CCL5: variants seen among roughly 807,000 people sequenced by gnomAD.
CCL5 encodes C-C motif chemokine ligand 5.
CCL5 carries 5 observed loss-of-function variants against 9.0 expected under a neutral mutation model. The observed-to-expected ratio is 0.55, with a 90% confidence interval of 0.29 to 1.16. The LOEUF is 1.16. Ranked by LOEUF, CCL5 falls within the 50% of genes most tolerant of loss-of-function variation. The probability of loss-of-function intolerance (pLI) is 0.08; values close to 1 mark genes in which losing one functional copy is unlikely to be tolerated. For missense variants in CCL5, 183 were observed against 183.2 expected, an observed-to-expected ratio of 1.00 and a Z score of 0.01; for synonymous variants, 66 against 72.0, an observed-to-expected ratio of 0.92 and a Z score of 0.42.
rs1348739626 is a variant in CCL5, at chr17:35,872,230, G to A, written c.*40C>T. The A allele has an allele frequency of 7.0e-7, 1 of 1,420,380 alleles. No homozygotes were observed. The highest frequency in any genetic ancestry group is 1.4e-5 in the African/African-American group (1 of 69,760). The allele number at this position is 1,420,380 out of a possible 1,614,324, so 88.0% of individuals were successfully genotyped here. On this transcript the variant is annotated 3_prime_UTR_variant, in exon 4 of 4. Coordinates refer to ENST00000651122, the MANE Select transcript of CCL5 (RefSeq NM_001278736.2). Reference sequence around the variant, plus strand: ...GAGCCACCACGTCCAGCCTGGGGAAGGTTTTTGTAACTGCTGCTGTGTGGT... The same window carrying A: ...GAGCCACCACGTCCAGCCTGGGGAAAGTTTTTGTAACTGCTGCTGTGTGGT...
rs1180454367 is a variant in CCL5, at chr17:35,873,860, G to T, written c.271-1396C>A. On this transcript the variant is annotated intron_variant, in intron 3 of 3. Coordinates refer to ENST00000651122, the MANE Select transcript of CCL5 (RefSeq NM_001278736.2). ...CTGGTACTAGACACTGTGGCTCAGG[G>T]GAGTTGAGGGCCATGAGATAATGGC... Among the ~76,000 whole-genome samples the T allele has an allele frequency of 3.9e-5, 6 of 152,282 alleles. No homozygotes were observed. The East Asian group carries it at 1.2e-3, about 29-fold the overall frequency.
intron 3 of CCL5, among the ~76,000 whole-genome samples, chr17:35,873,764 C>A (rs1391390995): frequency 1.3e-5 from 2 of 152,186 alleles, no homozygotes; most frequent in African/African-American, 4.8e-5. Flanking sequence ...AAATACCATT[C>A]ATGTGTTGTT....
At chr17:35,875,747 C>G (rs1490982775) in intron 2 of CCL5, 1 of 292,900 alleles carries the variant, frequency 3.4e-6, no homozygotes, top group South Asian at 1.3e-4. Context: ...AAAGAACAGC[C>G]CCTCCTTGCC....
Position 35,872,449 on chromosome 17 carries a change from C to A in CCL5, c.286G>T (p.Glu96Ter). The A allele has an allele frequency of 2.5e-6, 4 of 1,614,020 alleles. No homozygotes were observed. Among genetic ancestry groups the A allele is most frequent in the Non-Finnish European group, 3.4e-6 (4 of 1,180,010 alleles). Residue 96 changes from glutamate (E) to a stop codon, truncating the protein, a stop_gained, in exon 4 of 4, where the codon GAA becomes TAA. Coordinates refer to ENST00000651122, the MANE Select transcript of CCL5 (RefSeq NM_001278736.2). LOFTEE classifies it low-confidence loss of function (END_TRUNC). ...CTGGGTTGGCACACACTTGGCGGTT[C>A]TTTCGGGTGACAAAGCTGTGGGAGA... is the stretch of plus-strand genomic sequence containing the variant.
At chr17:35,873,767 G>A (rs969920783) in intron 3 of CCL5, among the ~76,000 whole-genome samples, 2 of 152,194 alleles carry the variant, frequency 1.3e-5, no homozygotes, top group Admixed American at 6.5e-5. Flanking sequence ...TACCATTCAT[G>A]TGTTGTTACT....
At position 35,878,572 on chromosome 17, in the gene CCL5, C is replaced by T. The variant is rs149044945; in HGVS notation, c.144G>A (p.Lys48=). 4.3e-5 allele frequency: 70 copies of T among 1,613,864 alleles called. No individual in the cohort carries two copies. The African/African-American group carries it at 5.2e-4, about 12-fold the overall frequency. Reference sequence around the variant, plus strand: ...ACTTGCCACTGGTGTAGAAATACTCCTTGATGTGGGCACGGGGCAGTGGGC... The same window carrying T: ...ACTTGCCACTGGTGTAGAAATACTCTTTGATGTGGGCACGGGGCAGTGGGC... Residue 48 remains lysine (K), a synonymous_variant, in exon 2 of 4, where the codon AAG becomes AAA. Coordinates refer to ENST00000651122, the MANE Select transcript of CCL5 (RefSeq NM_001278736.2).
chr17:35,876,631 C>T (rs1244295665), intron 2 of CCL5, among the ~76,000 whole-genome samples: 2 of 152,198 alleles, frequency 1.3e-5, no homozygotes, highest in African/African-American at 4.8e-5. Flanking sequence ...ATACTACTCA[C>T]GTGGATAACA....
chr17:35,872,212 C>T lies in CCL5; in HGVS notation c.*58G>A. ...TGCTGGGATTACAGGCGTGAGCCAC[C>T]ACGTCCAGCCTGGGGAAGGTTTTTG... On this transcript the variant is annotated 3_prime_UTR_variant, in exon 4 of 4. Coordinates refer to ENST00000651122, the MANE Select transcript of CCL5 (RefSeq NM_001278736.2). 7.7e-7 allele frequency: 1 copy of T among 1,296,214 alleles called. No homozygotes were observed. Among genetic ancestry groups the T allele is most frequent in the Non-Finnish European group, 1.0e-6 (1 of 977,748 alleles). 80.3% of individuals were successfully genotyped at this position (1,296,214 alleles called of 1,614,324 possible).
chr17:35,878,632 C>G lies in CCL5; in HGVS notation c.84G>C (p.Ser28=). Residue 28 remains serine, a synonymous_variant, in exon 2 of 4, where the codon TCG becomes TCC. Coordinates refer to ENST00000651122, the MANE Select transcript of CCL5 (RefSeq NM_001278736.2). ...AGGCAAAGCAGCAGGGTGTGGTGTC[C>G]GAGGAATCTGGAAGAGGAAAGGAAG... The G allele has an allele frequency of 6.2e-7, 1 of 1,609,844 alleles. No individual in the cohort carries two copies. Among genetic ancestry groups the G allele is most frequent in the Non-Finnish European group, 8.5e-7 (1 of 1,177,168 alleles).
intron 2 of CCL5, among the ~76,000 whole-genome samples, chr17:35,878,282 CAAAAAAA>C (rs4013866): frequency 1.9e-4 from 6 of 31,972 alleles, no homozygotes; most frequent in Non-Finnish European, 3.6e-4. Context: ...GACTCTGTCT[CAAAAAAA>C]AAAAAAAAAA....
Position 35,872,410 on chromosome 17 carries a change from A to C in CCL5, c.325T>G (p.Ser109Ala), listed in dbSNP as rs1032067574. 1 of 1,613,968 alleles carries C rather than the reference A, an allele frequency of 6.2e-7. No individual in the cohort carries two copies. The highest frequency in any genetic ancestry group is 1.3e-5 in the African/African-American group (1 of 75,000). The change falls in exon 4 of 4, where the codon TCG (serine) becomes GCG (alanine). Residue 109 changes from serine (S) to alanine (A), a missense_variant. Transcript: ENST00000651122. The stretch of plus-strand genomic sequence containing the variant: ...TCTCCAAAGAGTTGATGTACTCCCG[A>C]ACCCATTTCTTCTCTGGGTTGGCAC...
chr17:35,872,975 C>T (rs374836921), intron 3 of CCL5, among the ~76,000 whole-genome samples: 37 of 151,662 alleles, frequency 2.4e-4, no homozygotes, highest in Middle Eastern at 3.4e-3. Context: ...CTGCAACTTT[C>T]GCCTCCCGGG....
chr17:35,879,431 G>A (rs564309549), intron 1 of CCL5, among the ~76,000 whole-genome samples: 2 of 152,106 alleles, frequency 1.3e-5, no homozygotes, highest in East Asian at 1.9e-4. Flanking sequence ...TCAAGAGATC[G>A]AGACCATCCT....
At chr17:35,878,896 T>G (rs1196665338) in intron 1 of CCL5, among the ~76,000 whole-genome samples, 1 of 152,186 alleles carries the variant, frequency 6.6e-6, no homozygotes, top group Non-Finnish European at 1.5e-5. Flanking sequence ...TTTCAGGGCC[T>G]CCTCCTGGCT....
chr17:35,872,273 A>G lies in CCL5; in HGVS notation c.462T>C (p.Pro154=), dbSNP rs189189494. Residue 154 remains proline (P), a synonymous_variant, in exon 4 of 4, where the codon CCT becomes CCC. Transcript: ENST00000651122. ...TGTGTGGTAGAATCTGGGCCCTTCA[A>G]GGAGCGGGTGGGGTAGGATAGTGAG... 3.2e-6 allele frequency: 5 copies of G among 1,553,550 alleles called. No individual in the cohort carries two copies. In the East Asian group the frequency reaches 1.1e-4, roughly 35 times the overall value.
chr17:35,875,679 A>G, intron 2 of CCL5: 1 of 875,982 alleles, frequency 1.1e-6, no homozygotes, highest in South Asian at 5.2e-5. Flanking sequence ...AATACCTGAG[A>G]TGAGGGTAGC....
intron 1 of CCL5, among the ~76,000 whole-genome samples, chr17:35,879,981 C>T (rs1003341113): frequency 6.6e-6 from 1 of 152,112 alleles, no homozygotes; most frequent in Non-Finnish European, 1.5e-5. Flanking sequence ...ACCTGTAGGC[C>T]TTGAGGGTGT....
At chr17:35,874,830 C>G (rs2088420296) in intron 3 of CCL5, among the ~76,000 whole-genome samples, 1 of 152,068 alleles carries the variant, frequency 6.6e-6, no homozygotes, top group Non-Finnish European at 1.5e-5. Context: ...CCAGGCTGTT[C>G]TTGAACTCCT....
chr17:35,876,532 G>T (rs1011413112), intron 2 of CCL5, among the ~76,000 whole-genome samples: 7 of 152,106 alleles, frequency 4.6e-5, no homozygotes, highest in African/African-American at 1.4e-4. Flanking sequence ...ACCTGCTAGG[G>T]CTTGCAAATT....
Sources: gnomAD v4.1 joint callset for allele counts (sites outside exome capture counted in the v4.1 genomes callset) on GRCh38, gnomAD v4.1.1 for gene constraint, MANE v1.5 for transcripts, NCBI Gene and HGNC (gene_info 2026-07-23, HGNC 2026-07-21) for gene names.